The following AHNAK variants were observed in gnomAD, a reference collection of about 807,000 sequenced individuals.
AHNAK encodes AHNAK nucleoprotein.
AHNAK carries 23 observed loss-of-function variants against 37.8 expected under a neutral mutation model. The observed-to-expected ratio is 0.61, with a 90% CI of 0.44 to 0.86. The LOEUF (loss-of-function observed/expected upper bound fraction) is 0.86. Among genes scored for constraint, AHNAK ranks in the 40% least tolerant of loss-of-function variants. AHNAK has a pLI of 0.00. For missense variants in AHNAK, 7,411 were observed against 7,319.4 expected, an observed-to-expected ratio of 1.01 and a Z score of -0.46; for synonymous variants, 2,481 against 2,636.3, an observed-to-expected ratio of 0.94 and a Z score of 1.80.
chr11:62,479,447 G>T (rs892536986), intron 5 of AHNAK, among the ~76,000 whole-genome samples: 3 of 141,200 alleles, frequency 2.1e-5, no homozygotes, highest in African/African-American at 7.4e-5. Context: ...GATTACGGGC[G>T]TGAGCTACCC....
chr11:62,524,548 A>T lies in AHNAK; in HGVS notation c.9869T>A (p.Met3290Lys), dbSNP rs1281052438. Reference sequence around the variant, plus strand: ...AATTTCTGGCATGGAGATCTTGGGCATGTTTACATGCATGTCAGGCATCTT... The same window carrying T: ...AATTTCTGGCATGGAGATCTTGGGCTTGTTTACATGCATGTCAGGCATCTT... ...KLKMPDMHVNMPKISMPEIDL... is the reference protein window; with the variant it reads ...KLKMPDMHVNKPKISMPEIDL... The change falls in exon 5 of 5, where the codon ATG becomes AAG. Residue 3290 changes from methionine to lysine, a missense_variant. Met to Lys is a moderately conservative substitution (Grantham distance 95). Coordinates refer to ENST00000378024, the MANE Select transcript of AHNAK (RefSeq NM_001620.3). 1.3e-5 allele frequency: 21 copies of T among 1,613,764 alleles called. No individual in the cohort carries two copies. The highest frequency in any genetic ancestry group is 1.8e-5 in the Non-Finnish European group (21 of 1,179,964).
intron 5 of AHNAK, among the ~76,000 whole-genome samples, chr11:62,477,760 C>G (rs967256458): frequency 6.6e-6 from 1 of 151,856 alleles, no homozygotes. Flanking sequence ...TGAGACCGCG[C>G]CACTGCACTC....
In AHNAK at chr11:62,518,775, G is replaced by T. The variant is rs148238509; in HGVS notation, c.15642C>A (p.Ser5214Arg). ...CTACATCTGGTCCTTCCAGTCCCAC[G>T]CTGGGGACATCACCCTTTATCTTTG... Reference protein sequence around the residue: ...KGPKIKGDVPSVGLEGPDVDL... With the variant: ...KGPKIKGDVPRVGLEGPDVDL... Residue 5214 changes from serine (S) to arginine (R), a missense_variant, in exon 5 of 5, where the codon AGC becomes AGA. Physicochemically the swap from Ser to Arg is moderately radical, Grantham distance 110 (BLOSUM62 -1). Coordinates refer to ENST00000378024, the MANE Select transcript of AHNAK (RefSeq NM_001620.3). 170 of 1,614,200 alleles carry T rather than the reference G, an allele frequency of 1.1e-4. No homozygotes were observed. In the African/African-American group the frequency reaches 2.0e-3, roughly 19 times the overall value.
chr11:62,488,659 A>C (rs1939442692), intron 5 of AHNAK, among the ~76,000 whole-genome samples: 1 of 144,938 alleles, frequency 6.9e-6, no homozygotes, highest in Non-Finnish European at 1.5e-5. Flanking sequence ...TGATCCACCC[A>C]CCTCGGCCTC....
At chr11:62,534,228 G>T (rs528776073) in intron 4 of AHNAK, among the ~76,000 whole-genome samples, 154 bp from the exon 5 acceptor site, 4 of 152,218 alleles carry the variant, frequency 2.6e-5, no homozygotes, top group African/African-American at 4.8e-5. Context: ...CAGCACAGGG[G>T]AGTGAAGAAA....
Position 62,522,416 on chromosome 11 carries a change from T to A in AHNAK, c.12001A>T (p.Ile4001Phe), listed in dbSNP as rs1406117514. 2 of 1,614,072 alleles carry A rather than the reference T, an allele frequency of 1.2e-6. No individual in the cohort carries two copies. Among genetic ancestry groups the A allele is most frequent in the East Asian group, 4.5e-5 (2 of 44,884 alleles). Reference protein sequence around the residue: ...MPEMNIKAPKISMPDFDLHLK... With the variant: ...MPEMNIKAPKFSMPDFDLHLK... Reference sequence around the variant, plus strand: ...TGCAAATCAAAGTCAGGCATGGAGATCTTGGGGGCTTTGATGTTCATCTCT... The same window carrying A: ...TGCAAATCAAAGTCAGGCATGGAGAACTTGGGGGCTTTGATGTTCATCTCT... Residue 4001 changes from isoleucine (I) to phenylalanine (F), a missense_variant, in exon 5 of 5, where the codon ATC (isoleucine) becomes TTC (phenylalanine). By Grantham distance (21) the Ile-to-Phe change is conservative. Transcript: ENST00000378024.
Position 62,534,049 on chromosome 11 carries a change from C to T in AHNAK, c.368G>A (p.Arg123His), listed in dbSNP as rs186340112. The T allele has an allele frequency of 1.6e-4, 246 of 1,552,736 alleles. No homozygotes were observed. Among genetic ancestry groups the T allele is most frequent in the Non-Finnish European group, 1.9e-4 (219 of 1,148,374 alleles). Reference protein sequence around the residue: ...VLSGDDEEYQRIYTTKIKPRL... With the variant: ...VLSGDDEEYQHIYTTKIKPRL... ...TGGCTTGATCTTCGTGGTGTAGATG[C>T]GCTGGTACTCCTCATCATCCCCGCT... The change falls in exon 5 of 5, where the codon CGC (arginine) becomes CAC (histidine). Residue 123 changes from arginine to histidine, a missense_variant. Arg to His is a conservative substitution (Grantham distance 29). Transcript: ENST00000378024.
Position 62,518,241 on chromosome 11 carries a change from T to C in AHNAK, c.16176A>G (p.Leu5392=). The change falls in exon 5 of 5, where the codon CTA becomes CTG. Residue 5392 remains leucine (L), a synonymous_variant. Transcript: ENST00000378024. ...TGCTGCCTTCGGATGCCTCCAAGCT[T>C]AGATCAGGAGCTCCTACGGATACTT... ...CPKVSVGAPD[L]SLEASEGSIK... is the part of the protein sequence containing the mutation. 2 of 1,614,166 alleles carry C rather than the reference T, an allele frequency of 1.2e-6. No individual in the cohort carries two copies. Among genetic ancestry groups the C allele is most frequent in the Non-Finnish European group, 1.7e-6 (2 of 1,180,026 alleles).
Position 62,518,264 on chromosome 11 carries a change from C to A in AHNAK, c.16153G>T (p.Val5385Leu), listed in dbSNP as rs764997522. 1.8e-5 allele frequency: 29 copies of A among 1,614,086 alleles called. No individual in the cohort carries two copies. In the East Asian group the frequency reaches 6.2e-4, roughly 35 times the overall value. Residue 5385 changes from valine (V) to leucine (L), a missense_variant, in exon 5 of 5, where the codon GTA (valine) becomes TTA (leucine). Physicochemically the swap from Val to Leu is conservative, Grantham distance 32. Coordinates refer to ENST00000378024, the MANE Select transcript of AHNAK (RefSeq NM_001620.3). ...AVSGDIKCPK[V>L]SVGAPDLSLE... ...CTTAGATCAGGAGCTCCTACGGATA[C>A]TTTAGGGCATTTGATGTCACCAGAG...
chr11:62,476,154 G>C (rs976813273), intron 5 of AHNAK, among the ~76,000 whole-genome samples: 19 of 152,192 alleles, frequency 1.2e-4, no homozygotes, highest in African/African-American at 4.6e-4. Context: ...CCGGACGGCT[G>C]AGGCAGCCGG....
At chr11:62,501,341 G>A (rs1939708445) in intron 4 of AHNAK, among the ~76,000 whole-genome samples, 1 of 152,200 alleles carries the variant, frequency 6.6e-6, no homozygotes, top group Non-Finnish European at 1.5e-5. Flanking sequence ...GGCCAAAGTG[G>A]GTGGATCATG....
intron 5 of AHNAK, among the ~76,000 whole-genome samples, chr11:62,465,659 A>G (rs751197010): frequency 2.6e-5 from 4 of 152,046 alleles, no homozygotes; most frequent in South Asian, 4.1e-4. Context: ...AATTAAAAAA[A>G]TTTTACCATG....
intron 3 of AHNAK, among the ~76,000 whole-genome samples, chr11:62,535,505 T>C (rs1002674208): frequency 1.3e-5 from 2 of 151,908 alleles, no homozygotes; most frequent in Non-Finnish European, 2.9e-5. Flanking sequence ...AAAATTAGTC[T>C]GGTGTGGTGG....
In AHNAK at chr11:62,532,531, G is replaced by C. The variant is rs943926088; in HGVS notation, c.1886C>G (p.Pro629Arg). Residue 629 changes from proline (P) to arginine (R), a missense_variant, in exon 5 of 5, where the codon CCC becomes CGC. Transcript: ENST00000378024. ...AHGPEWNLKM[P>R]KMKMPTFSTP... ...GCTGAACGTGGGCATTTTCATCTTG[G>C]GCATTTTCAGGTTCCATTCTGGGCC... 1 of 1,613,932 alleles carries C rather than the reference G, an allele frequency of 6.2e-7. No individual in the cohort carries two copies. The highest frequency in any genetic ancestry group is 1.3e-5 in the African/African-American group (1 of 74,878).
At chr11:62,475,667 C>T (rs1190058433) in intron 5 of AHNAK, among the ~76,000 whole-genome samples, 11 of 134,774 alleles carry the variant, frequency 8.2e-5, no homozygotes, top group Admixed American at 2.5e-4. Flanking sequence ...TGCAGTGGCG[C>T]GATCTCAGCT....
chr11:62,434,502 G>A (rs1938117003), intron 5 of AHNAK, among the ~76,000 whole-genome samples: 1 of 152,108 alleles, frequency 6.6e-6, no homozygotes, highest in Non-Finnish European at 1.5e-5. Context: ...TCCCATGAAT[G>A]CGCAGGTTGT....
chr11:62,453,059 A>G (rs1394035003), intron 5 of AHNAK, among the ~76,000 whole-genome samples: 8 of 152,072 alleles, frequency 5.3e-5, no homozygotes, highest in Non-Finnish European at 1.0e-4. Flanking sequence ...TGCAAGAATA[A>G]TATGACCACC....
Position 62,523,655 on chromosome 11 carries a change from C to T in AHNAK, c.10762G>A (p.Ala3588Thr). 6.2e-7 allele frequency: 1 copy of T among 1,613,966 alleles called. No homozygotes were observed. Among genetic ancestry groups the T allele is most frequent in the Non-Finnish European group, 8.5e-7 (1 of 1,179,998 alleles). ...GGACCATGAACATCCACATCTGGGG[C>T]ATTGATGTCCACTTTAGGGCCTTTG... Reference protein sequence around the residue: ...DIKGPKVDINAPDVDVHGPDW... With the variant: ...DIKGPKVDINTPDVDVHGPDW... The change falls in exon 5 of 5, where the codon GCC becomes ACC. Residue 3588 changes from alanine (A) to threonine (T), a missense_variant. Physicochemically the swap from Ala to Thr is moderately conservative, Grantham distance 58. Transcript: ENST00000378024.
Position 62,531,349 on chromosome 11 carries a change from G to A in AHNAK, c.3068C>T (p.Ser1023Phe), listed in dbSNP as rs1940740609. Residue 1023 changes from serine to phenylalanine, a missense_variant, in exon 5 of 5, where the codon TCC becomes TTC. Coordinates refer to ENST00000378024, the MANE Select transcript of AHNAK (RefSeq NM_001620.3). The stretch of plus-strand genomic sequence containing the variant: ...TGCAGAAATGTCCACATTCGCTTTG[G>A]ACAGGTTCACATCAAATTCTGGCCC... ...GEGPEFDVNLSKANVDISAPK... is the reference protein window; with the variant it reads ...GEGPEFDVNLFKANVDISAPK... 1.2e-6 allele frequency: 2 copies of A among 1,613,498 alleles called. No homozygotes were observed. Among genetic ancestry groups the A allele is most frequent in the Admixed American group, 1.7e-5 (1 of 59,922 alleles).
Sources: allele counts gnomAD v4.1 joint callset (sites outside exome capture counted in the v4.1 genomes callset), GRCh38; gene constraint gnomAD v4.1.1; transcripts MANE v1.5; gene names NCBI Gene and HGNC (gene_info 2026-07-23, HGNC 2026-07-21).